Variants in SLC2A9 observed in about 807,000 individuals in gnomAD.
SLC2A9 encodes the protein solute carrier family 2, facilitated glucose transporter member 9.
In SLC2A9, 39 loss-of-function variants were observed where a neutral mutation model predicts 50.6. The observed-to-expected ratio is 0.77, with a 90% CI of 0.60 to 1.01. SLC2A9 has a LOEUF of 1.01. Among genes scored for constraint, SLC2A9 ranks in the 50% least tolerant of loss-of-function variants. The pLI is 0.00. For missense variants in SLC2A9, 686 were observed against 677.6 expected, an observed-to-expected ratio of 1.01 and a Z score of -0.14; for synonymous variants, 324 against 276.9, an observed-to-expected ratio of 1.17 and a Z score of -1.69.
At chr4:10,020,768 C>T (rs1477343864) in intron 1 of SLC2A9, among the ~76,000 whole-genome samples, 1 of 152,202 alleles carries the variant, frequency 6.6e-6, no homozygotes, top group Non-Finnish European at 1.5e-5. Flanking sequence ...TGGTCTGCAC[C>T]CCATCAGATT....
At chr4:9,949,406 T>A (rs1749794377) in intron 5 of SLC2A9, among the ~76,000 whole-genome samples, 1 of 152,230 alleles carries the variant, frequency 6.6e-6, no homozygotes, top group Admixed American at 6.5e-5. Flanking sequence ...GCTAAAACTG[T>A]CCTATATGTT....
intron 2 of SLC2A9, among the ~76,000 whole-genome samples, chr4:10,001,204 C>T (rs1332294109): frequency 6.6e-6 from 1 of 152,158 alleles, no homozygotes; most frequent in Non-Finnish European, 1.5e-5. Context: ...GTCCTAACCC[C>T]TAGTACCTCA....
At chr4:9,971,926 A>T (rs994597823) in intron 5 of SLC2A9, among the ~76,000 whole-genome samples, 1 of 152,248 alleles carries the variant, frequency 6.6e-6, no homozygotes, top group African/African-American at 2.4e-5. Flanking sequence ...TGCCTGTCCA[A>T]CCTTGGACTG....
At chr4:9,995,203 G>A (rs762481222) in intron 3 of SLC2A9, among the ~76,000 whole-genome samples, 16 of 152,188 alleles carry the variant, frequency 1.1e-4, no homozygotes, top group Non-Finnish European at 1.9e-4. Context: ...GAATGTGTGA[G>A]TGGCTGGAAC....
chr4:9,908,922 G>T (rs1741197540), intron 7 of SLC2A9, among the ~76,000 whole-genome samples: 1 of 152,088 alleles, frequency 6.6e-6, no homozygotes, highest in South Asian at 2.1e-4. Context: ...TTCTTTCTGT[G>T]TCAGGATGGT....
rs555288381 is a variant in SLC2A9, at chr4:9,888,694, T to A, written c.1216-1052A>T. 9.7e-4 allele frequency among the ~76,000 whole-genome samples: 147 copies of A among 151,390 alleles called. 1 individual carries two copies. Among genetic ancestry groups the A allele is most frequent in the African/African-American group, 3.5e-3 (146 of 41,182 alleles). The stretch of plus-strand genomic sequence containing the variant: ...AAAGGAAAGAGGTTCCAGTAGGGGG[T>A]TCAGCATACACAAGGGCATAGAATC... On this transcript the variant is annotated intron_variant, in intron 9 of 11. Transcript: ENST00000264784.
intron 5 of SLC2A9, among the ~76,000 whole-genome samples, chr4:9,965,030 G>A (rs772347922): frequency 1.1e-4 from 17 of 152,316 alleles, no homozygotes; most frequent in Non-Finnish European, 1.8e-4. Flanking sequence ...TAAATGACGC[G>A]ATGACTGACA....
chr4:9,990,030 T>C (rs1434661044), intron 3 of SLC2A9, among the ~76,000 whole-genome samples: 3 of 152,056 alleles, frequency 2.0e-5, no homozygotes, highest in African/African-American at 7.2e-5. Context: ...AGCTGCTCTG[T>C]TTTCTACATT....
At chr4:9,929,026 T>C (rs1373290192) in intron 6 of SLC2A9, among the ~76,000 whole-genome samples, 3 of 152,242 alleles carry the variant, frequency 2.0e-5, no homozygotes, top group Non-Finnish European at 2.9e-5. Context: ...CTTCATCAAG[T>C]TCAGCCAGCC....
chr4:9,889,028 A>T lies in SLC2A9; in HGVS notation c.1216-1386T>A, dbSNP rs147788887. On this transcript the variant is annotated intron_variant, in intron 9 of 11. Transcript: ENST00000264784. ...GCCAGGCCCTTGCCCTACACAACTC[A>T]CTCACTGTCTATTTGGAGAGAGACA... Among the ~76,000 whole-genome samples, 393 of 152,218 alleles carry T rather than the reference A, an allele frequency of 2.6e-3. 1 individual carries two copies. Among genetic ancestry groups the T allele is most frequent in the African/African-American group, 9.0e-3 (372 of 41,534 alleles).
intron 4 of SLC2A9, among the ~76,000 whole-genome samples, chr4:9,981,723 G>T (rs1432417152): frequency 6.6e-6 from 1 of 152,088 alleles, no homozygotes; most frequent in Non-Finnish European, 1.5e-5. Context: ...AAATATAATA[G>T]TTTTTTTCTC....
chr4:9,928,621 C>A (rs1476200970), intron 6 of SLC2A9, among the ~76,000 whole-genome samples: 1 of 152,176 alleles, frequency 6.6e-6, no homozygotes, highest in East Asian at 1.9e-4. Context: ...GTTGTCCCAG[C>A]TACTCGGGAG....
chr4:9,952,424 A>G (rs1750467166), intron 5 of SLC2A9, among the ~76,000 whole-genome samples: 1 of 152,012 alleles, frequency 6.6e-6, no homozygotes, highest in Non-Finnish European at 1.5e-5. Context: ...CTGCTCCTGG[A>G]GCCCTCCCCA....
At chr4:9,812,328 T>C (rs1722993391) in intron 3 of SLC2A9, among the ~76,000 whole-genome samples, 1 of 152,226 alleles carries the variant, frequency 6.6e-6, no homozygotes, top group Non-Finnish European at 1.5e-5. Context: ...ACATATCCAG[T>C]GTTCCCAACT....
intron 5 of SLC2A9, among the ~76,000 whole-genome samples, chr4:9,976,430 T>C (rs1185101549): frequency 6.6e-6 from 1 of 152,208 alleles, no homozygotes. Context: ...GAAAATGAAA[T>C]TCTGACACTT....
chr4:10,008,505 T>C (rs80331485), intron 2 of SLC2A9, among the ~76,000 whole-genome samples: 2,173 of 152,314 alleles, frequency 0.014, 36 homozygotes, highest in Non-Finnish European at 0.022. Flanking sequence ...ATTAGGAAGA[T>C]AGGACATCAC....
At chr4:9,829,418 A>G (rs1356216735) in intron 11 of SLC2A9, among the ~76,000 whole-genome samples, 2 of 151,022 alleles carry the variant, frequency 1.3e-5, no homozygotes, top group Admixed American at 1.3e-4. Flanking sequence ...AAGAAAATCT[A>G]GGCAATACCA....
chr4:9,785,140 G>C (rs560030821), intron 3 of SLC2A9, among the ~76,000 whole-genome samples: 2 of 152,272 alleles, frequency 1.3e-5, no homozygotes, highest in African/African-American at 4.8e-5. Flanking sequence ...AAAGCACCCA[G>C]CTCTAGGATT....
chr4:9,857,081 A>T (rs1158137560), intron 10 of SLC2A9, among the ~76,000 whole-genome samples: 1 of 152,090 alleles, frequency 6.6e-6, no homozygotes, highest in Non-Finnish European at 1.5e-5. Flanking sequence ...TATATATCAA[A>T]CCTGCACATG....
Sources: allele counts gnomAD v4.1 joint callset (sites outside exome capture counted in the v4.1 genomes callset), GRCh38; gene constraint gnomAD v4.1.1; transcripts MANE v1.5; gene names NCBI Gene and HGNC (gene_info 2026-07-23, HGNC 2026-07-21).